The following ESR2 variants were observed in gnomAD, a reference collection of about 807,000 sequenced individuals.
The protein encoded by ESR2 is estrogen receptor 2.
ESR2 carries 36 observed loss-of-function variants against 49.6 expected under a neutral mutation model. The ratio of observed to expected loss-of-function variants is 0.73; its 90% CI spans 0.56 to 0.96. The LOEUF is 0.96. Among genes scored for constraint, ESR2 ranks in the 40% least tolerant of loss-of-function variants. ESR2 has a pLI of 0.00. For missense variants in ESR2, 714 were observed against 693.0 expected (o/e 1.03, Z -0.34); for synonymous variants, 320 against 266.1 (o/e 1.20, Z -1.97).
intron 1 of ESR2, among the ~76,000 whole-genome samples, chr14:64,309,000 AGAAAAGAAAAT>A (rs534385235): frequency 3.2e-4 from 49 of 152,316 alleles, no homozygotes; most frequent in African/African-American, 1.1e-3. Flanking sequence ...GAGAAAAGAA[AGAAAAGAAAAT>A]GAAAAGAAAA....
At chr14:64,227,088 A>G (rs1462973306), downstream of ESR2, 2 of 163,594 alleles carry the variant, frequency 1.2e-5, no homozygotes, top group African/African-American at 4.8e-5. Context: ...GAGGATAGGC[A>G]TCGGCATTTC....
rs540823906 is a variant in ESR2, at chr14:64,272,790, C to G, written c.536-3879G>C. Among the ~76,000 whole-genome samples, 9 of 152,238 alleles carry G rather than the reference C, an allele frequency of 5.9e-5. No homozygotes were observed. In the South Asian group the frequency reaches 1.7e-3, roughly 28 times the overall value. ...ATAGCTCTATGGTATAATTTATAGT[C>G]AGGTAATGTGATTCTTCCACAGTTT... On this transcript the variant is annotated intron_variant, in intron 3 of 8. Transcript: ENST00000341099.
intron 3 of ESR2, among the ~76,000 whole-genome samples, chr14:64,276,615 A>G (rs1004774040): frequency 6.6e-6 from 1 of 152,214 alleles, no homozygotes; most frequent in African/African-American, 2.4e-5. Context: ...TTCTAAAAAC[A>G]TATCCAGAGA....
At chr14:64,294,893 C>T (rs2076934278), upstream of ESR2, among the ~76,000 whole-genome samples, 1 of 152,204 alleles carries the variant, frequency 6.6e-6, no homozygotes, top group Non-Finnish European at 1.5e-5. Flanking sequence ...AGGCCTTTCG[C>T]GTTAGATCAA....
chr14:64,269,465 G>A (rs559666978), intron 3 of ESR2, among the ~76,000 whole-genome samples: 26 of 152,278 alleles, frequency 1.7e-4, no homozygotes, highest in Non-Finnish European at 1.0e-4. Flanking sequence ...TCAGCCTTGC[G>A]ACCCTGCAGT....
chr14:64,268,507 C>T (rs1366938352), intron 4 of ESR2, among the ~76,000 whole-genome samples: 2 of 152,176 alleles, frequency 1.3e-5, no homozygotes, highest in African/African-American at 2.4e-5. Flanking sequence ...GGCTAGAAGT[C>T]CCCTAACCCA....
intron 1 of ESR2, among the ~76,000 whole-genome samples, chr14:64,318,207 T>C (rs1037561914): frequency 2.6e-5 from 4 of 152,138 alleles, no homozygotes; most frequent in Admixed American, 1.3e-4. Context: ...ATACCAAATA[T>C]GAACAATTAG....
intron 7 of ESR2, among the ~76,000 whole-genome samples, chr14:64,237,031 G>C (rs1055745342): frequency 1.3e-5 from 2 of 151,472 alleles, no homozygotes; most frequent in African/African-American, 4.9e-5. Flanking sequence ...TACAATCTCA[G>C]CTCACTGCAA....
At chr14:64,261,916 T>A (rs1007537523) in intron 4 of ESR2, among the ~76,000 whole-genome samples, 2 of 152,082 alleles carry the variant, frequency 1.3e-5, no homozygotes, top group Non-Finnish European at 2.9e-5. Context: ...CATGCCCAGC[T>A]AACTTTTAAA....
At chr14:64,277,082 C>G (rs1322637601) in intron 3 of ESR2, among the ~76,000 whole-genome samples, 3 of 152,134 alleles carry the variant, frequency 2.0e-5, no homozygotes, top group African/African-American at 4.8e-5. Context: ...GTCATCTGGA[C>G]CAGATGAAGT....
At chr14:64,247,458 A>C (rs1233079727) in intron 7 of ESR2, among the ~76,000 whole-genome samples, 1 of 152,218 alleles carries the variant, frequency 6.6e-6, no homozygotes, top group Non-Finnish European at 1.5e-5. Flanking sequence ...TGAATTCTGC[A>C]TTGAATCTTG....
At chr14:64,234,743 G>T in intron 8 of ESR2, 1 of 960,964 alleles carries the variant, frequency 1.0e-6, no homozygotes, top group Non-Finnish European at 1.5e-6. Flanking sequence ...AAACCCATGA[G>T]CCACCACTGG....
chr14:64,227,225 T>G (rs1596351482), downstream of ESR2: 1 of 387,648 alleles, frequency 2.6e-6, no homozygotes, highest in South Asian at 3.5e-5. Context: ...GGGAAACCAG[T>G]GAAGCTCATC....
intron 7 of ESR2, among the ~76,000 whole-genome samples, chr14:64,241,823 T>C (rs2075734153): frequency 6.6e-6 from 1 of 152,238 alleles, no homozygotes; most frequent in South Asian, 2.1e-4. Context: ...ACTTTCTACA[T>C]AGATTCTCAT....
intron 6 of ESR2, among the ~76,000 whole-genome samples, chr14:64,253,466 C>A (rs1334340117): frequency 2.0e-5 from 3 of 152,106 alleles, no homozygotes; most frequent in Middle Eastern, 3.2e-3. Context: ...GCTGGGATTA[C>A]AGGCGTGAGC....
chr14:64,264,876 CAAAAAAAAAAAAAG>C (rs2076296905), intron 4 of ESR2, among the ~76,000 whole-genome samples: 1 of 119,332 alleles, frequency 8.4e-6, no homozygotes, highest in Non-Finnish European at 1.8e-5. Flanking sequence ...TACCCTGTCT[CAAAAAAAAAAAAAG>C]AAAAAAAAAA....
At chr14:64,285,654 A>T (rs959678913) in intron 1 of ESR2, among the ~76,000 whole-genome samples, 2 of 151,844 alleles carry the variant, frequency 1.3e-5, no homozygotes, top group African/African-American at 4.8e-5. Flanking sequence ...ATGGTGAAAC[A>T]CCATCTTCAC....
chr14:64,252,663 C>T (rs1056780447), intron 6 of ESR2, among the ~76,000 whole-genome samples: 5 of 152,068 alleles, frequency 3.3e-5, no homozygotes, highest in African/African-American at 1.2e-4. Flanking sequence ...GCAAGACAGC[C>T]GGGAGCTGCC....
intron 6 of ESR2, 60 bp from the exon 7 acceptor site, chr14:64,249,739 A>G (rs2140679423): frequency 6.6e-6 from 10 of 1,516,284 alleles, no homozygotes; most frequent in Non-Finnish European, 9.0e-6. Flanking sequence ...CAAAAAAACA[A>G]TAAGGAATGT....
Sources: allele counts gnomAD v4.1 joint callset (sites outside exome capture counted in the v4.1 genomes callset), GRCh38; gene constraint gnomAD v4.1.1; transcripts MANE v1.5; gene names NCBI Gene and HGNC (gene_info 2026-07-23, HGNC 2026-07-21).